Variants in XPR1 observed in about 807,000 individuals in gnomAD.
XPR1 encodes solute carrier family 53 member 1.
XPR1 carries 28 observed loss-of-function variants against 87.5 expected under a neutral mutation model. That is an observed-to-expected ratio of 0.32 (90% CI 0.24 to 0.44). XPR1 has a LOEUF of 0.44. Ranked by LOEUF, XPR1 falls within the 20% of genes least tolerant of loss-of-function variation. The pLI is 1.00. For synonymous variants in XPR1, 300 were observed against 306.1 expected (o/e 0.98, Z 0.21); for missense variants, 559 against 862.3 (o/e 0.65, Z 4.41).
At chr1:180,810,079 A>G (rs904262511) in intron 6 of XPR1, among the ~76,000 whole-genome samples, 4 of 152,148 alleles carry the variant, frequency 2.6e-5, no homozygotes, top group Non-Finnish European at 5.9e-5. Flanking sequence ...AGTCTATAAG[A>G]TTATCTCTCT....
intron 11 of XPR1, among the ~76,000 whole-genome samples, chr1:180,839,098 G>A (rs1357153026): frequency 3.9e-5 from 6 of 152,202 alleles, no homozygotes; most frequent in African/African-American, 4.8e-5. Flanking sequence ...TAGGAGTTTC[G>A]TTGTTGCAGT....
intron 2 of XPR1, among the ~76,000 whole-genome samples, chr1:180,716,003 C>G (rs1274008761): frequency 6.6e-6 from 1 of 152,118 alleles, no homozygotes; most frequent in Non-Finnish European, 1.5e-5. Flanking sequence ...GCTTCTTGAG[C>G]TATGTATGTG....
chr1:180,876,656 AC>A (rs1652673105), intron 13 of XPR1, among the ~76,000 whole-genome samples: 1 of 151,896 alleles, frequency 6.6e-6, no homozygotes, highest in Non-Finnish European at 1.5e-5. Context: ...AAAGAAAGAA[AC>A]CTGTCTCACT....
At position 180,727,946 on chromosome 1, in the gene XPR1, A is replaced by G. The variant is rs561746368; in HGVS notation, c.121+45535A>G. Among the ~76,000 whole-genome samples, 9 of 152,202 alleles carry G rather than the reference A, an allele frequency of 5.9e-5. No individual in the cohort carries two copies. In the South Asian group the frequency reaches 1.2e-3, roughly 21 times the overall value. On this transcript the variant is annotated intron_variant, in intron 2 of 14. Coordinates refer to ENST00000367590, the MANE Select transcript of XPR1 (RefSeq NM_004736.4). Reference sequence around the variant, plus strand: ...GATTTTGGTCGGCTTCTTTACTGCAACCTGTTTTATCAGCAAGGTCTTTAT... The same window carrying G: ...GATTTTGGTCGGCTTCTTTACTGCAGCCTGTTTTATCAGCAAGGTCTTTAT...
At chr1:180,847,446 T>C (rs1334646010) in intron 11 of XPR1, among the ~76,000 whole-genome samples, 1 of 152,186 alleles carries the variant, frequency 6.6e-6, no homozygotes, top group Non-Finnish European at 1.5e-5. Context: ...ATGTGGGCTT[T>C]GGAGTTAGGA....
At chr1:180,853,664 CA>C (rs1558039418) in intron 11 of XPR1, among the ~76,000 whole-genome samples, 63 of 151,550 alleles carry the variant, frequency 4.2e-4, no homozygotes, top group East Asian at 1.2e-3. Flanking sequence ...CACACACACA[CA>C]CACCCTACCT....
At chr1:180,678,837 C>T (rs1437400120) in intron 1 of XPR1, among the ~76,000 whole-genome samples, 1 of 152,126 alleles carries the variant, frequency 6.6e-6, no homozygotes, top group East Asian at 1.9e-4. Context: ...GTACTCTTTT[C>T]TTTAAAAGAG....
chr1:180,723,935 T>A (rs2102000341), intron 2 of XPR1, among the ~76,000 whole-genome samples: 1 of 152,294 alleles, frequency 6.6e-6, no homozygotes, highest in Admixed American at 6.5e-5. Context: ...TCTTTTCTGT[T>A]CTTACAGTTC....
chr1:180,726,681 T>C (rs1053714896), intron 2 of XPR1, among the ~76,000 whole-genome samples: 4 of 125,810 alleles, frequency 3.2e-5, no homozygotes, highest in African/African-American at 1.2e-4. Context: ...CAGAAGCAGA[T>C]GTGAGAATCC....
intron 1 of XPR1, among the ~76,000 whole-genome samples, chr1:180,649,324 C>T (rs1215296573): frequency 2.6e-5 from 4 of 151,614 alleles, no homozygotes; most frequent in Admixed American, 1.3e-4. Flanking sequence ...CCCAGCTACT[C>T]GGGAGGCTGA....
At chr1:180,710,428 A>T (rs1657723604) in intron 2 of XPR1, among the ~76,000 whole-genome samples, 1 of 152,124 alleles carries the variant, frequency 6.6e-6, no homozygotes, top group Admixed American at 6.5e-5. Context: ...GCCTTCAAGC[A>T]TCTGTTTAAC....
rs116717192 is a variant in XPR1 at position 180,755,433 on chromosome 1, G to A, written c.122-32320G>A. Among the ~76,000 whole-genome samples, 716 of 152,318 alleles carry A rather than the reference G, an allele frequency of 4.7e-3. 4 individuals are homozygous for A. The highest frequency in any genetic ancestry group is 7.0e-3 in the Non-Finnish European group (478 of 68,022). Reference sequence around the variant, plus strand: ...ATACTGTATGTAGCTGAACCGAGCTGTGTAGAAATACACAAAATGCATACA... The same window carrying A: ...ATACTGTATGTAGCTGAACCGAGCTATGTAGAAATACACAAAATGCATACA... On this transcript the variant is annotated intron_variant, in intron 2 of 14. Transcript: ENST00000367590.
intron 1 of XPR1, among the ~76,000 whole-genome samples, chr1:180,635,407 C>T (rs1007474781): frequency 6.6e-6 from 1 of 152,164 alleles, no homozygotes; most frequent in African/African-American, 2.4e-5. Flanking sequence ...AGACTGGTTT[C>T]AACCAAATAG....
In XPR1 at chr1:180,880,231, G is replaced by T; in HGVS notation, c.1964G>T (p.Arg655Leu). 1 of 1,614,116 alleles carries T rather than the reference G, an allele frequency of 6.2e-7. No individual in the cohort carries two copies. The highest frequency in any genetic ancestry group is 2.2e-5 in the East Asian group (1 of 44,878). ...GACCAGGATGATGGGGTACGAAACC[G>T]CCAGAAGAATCGGTCATGGAAGTAC... The part of the protein sequence containing the change: ...MMDQDDGVRN[R>L]QKNRSWKYNQ... Residue 655 changes from arginine to leucine, a missense_variant, in exon 14 of 15, where the codon CGC becomes CTC. By Grantham distance (102) the Arg-to-Leu change is moderately radical (BLOSUM62 -2). Transcript: ENST00000367590.
chr1:180,751,490 CTCTT>C (rs1265532965), intron 2 of XPR1, among the ~76,000 whole-genome samples: 16 of 152,018 alleles, frequency 1.1e-4, no homozygotes, highest in Admixed American at 9.2e-4. Flanking sequence ...AAATTGAAGT[CTCTT>C]TCAAGCTTCT....
At chr1:180,851,556 T>A (rs1651869422) in intron 11 of XPR1, among the ~76,000 whole-genome samples, 1 of 152,178 alleles carries the variant, frequency 6.6e-6, no homozygotes, top group Non-Finnish European at 1.5e-5. Context: ...AATTTTCCAT[T>A]TTAGTGCATA....
intron 2 of XPR1, among the ~76,000 whole-genome samples, chr1:180,774,359 A>T (rs897453408): frequency 6.0e-5 from 9 of 150,986 alleles, no homozygotes; most frequent in East Asian, 1.9e-4. Context: ...TACTTTTTTT[A>T]AAAAAAGAAA....
intron 14 of XPR1, among the ~76,000 whole-genome samples, chr1:180,880,777 C>T (rs553471586): frequency 6.6e-6 from 1 of 152,292 alleles, no homozygotes; most frequent in East Asian, 1.9e-4. Flanking sequence ...AGTTCCCTCA[C>T]AGAAAGAGCC....
intron 11 of XPR1, among the ~76,000 whole-genome samples, chr1:180,852,680 C>G (rs1215407735): frequency 6.6e-6 from 1 of 152,098 alleles, no homozygotes; most frequent in African/African-American, 2.4e-5. Context: ...TCCTGAGTAG[C>G]TAGGACTACA....
Sources: allele counts gnomAD v4.1 joint callset (sites outside exome capture counted in the v4.1 genomes callset), GRCh38; gene constraint gnomAD v4.1.1; transcripts MANE v1.5; gene names NCBI Gene and HGNC (gene_info 2026-07-23, HGNC 2026-07-21).